MYO16: variants seen among roughly 807,000 people sequenced by gnomAD.
MYO16 encodes myosin XVI.
Under a neutral mutation model 205.3 loss-of-function variants are expected in MYO16, and 94 were observed. The ratio of observed to expected loss-of-function variants is 0.46; its 90% CI spans 0.39 to 0.54. The LOEUF is 0.54. Among genes scored for constraint, MYO16 ranks in the 20% least tolerant of loss-of-function variants. The pLI, the probability that MYO16 is intolerant of heterozygous loss-of-function variation, is 0.00. For missense variants in MYO16, 2,315 were observed against 2,387.5 expected (o/e 0.97, Z 0.63); for synonymous variants, 988 against 954.0 (o/e 1.04, Z -0.66).
At chr13:109,013,456 T>C (rs149668442) in intron 22 of MYO16, among the ~76,000 whole-genome samples, 3,125 of 152,214 alleles carry the variant, frequency 0.021, 130 homozygotes, top group African/African-American at 0.071. Context: ...ACTAGCATGG[T>C]TTATAATCCT....
intron 27 of MYO16, among the ~76,000 whole-genome samples, chr13:109,093,678 A>G (rs1019096113): frequency 3.3e-5 from 5 of 152,112 alleles, no homozygotes; most frequent in South Asian, 2.1e-4. Context: ...AGCCACGTTG[A>G]TCCATTCACC....
Position 108,666,011 on chromosome 13 carries a change from G to C in MYO16, c.154G>C (p.Ala52Pro). 6.2e-7 allele frequency: 1 copy of C among 1,614,136 alleles called. No individual in the cohort carries two copies. Among genetic ancestry groups the C allele is most frequent in the Non-Finnish European group, 8.5e-7 (1 of 1,180,022 alleles). Residue 52 changes from alanine to proline, a missense_variant, in exon 2 of 35, where the codon GCC (alanine) becomes CCC (proline). Ala to Pro is a conservative substitution (Grantham distance 27). Around this residue, in one of 3 missense-constraint regions of MYO16, gnomAD observed 1,213 missense variants for 1,274.4 expected, o/e 0.95. Coordinates refer to ENST00000457511, the MANE Select transcript of MYO16 (RefSeq NM_001198950.3). ...GCGCATGCGCTGTGAGCAAATCAAA[G>C]CCTACTATGAGCGCGAGAAGGCTTT... ...VKRMRCEQIK[A>P]YYEREKAFQK...
intron 16 of MYO16, among the ~76,000 whole-genome samples, chr13:108,912,062 G>C (rs1881291255): frequency 6.6e-6 from 1 of 152,154 alleles, no homozygotes. Flanking sequence ...AGTGTCAGCA[G>C]GGTACTGGAG....
chr13:109,206,403 G>A (rs1448824884), intron 34 of MYO16, among the ~76,000 whole-genome samples: 1 of 152,160 alleles, frequency 6.6e-6, no homozygotes, highest in Non-Finnish European at 1.5e-5. Context: ...CCAATGTTTT[G>A]TTGCAGTCAT....
chr13:108,793,306 C>A (rs80299895), intron 5 of MYO16, among the ~76,000 whole-genome samples: 2,486 of 139,740 alleles, frequency 0.018, 71 homozygotes, highest in African/African-American at 0.069. Context: ...AAAAAAAAAA[C>A]ATAACAAGAG....
intron 7 of MYO16, among the ~76,000 whole-genome samples, chr13:108,810,650 A>G (rs1274202507): frequency 1.6e-5 from 2 of 123,594 alleles, no homozygotes; most frequent in African/African-American, 5.0e-5. Flanking sequence ...ATTTATATGC[A>G]TGGAAGATTT....
chr13:108,825,297 A>G (rs905974589), intron 9 of MYO16, among the ~76,000 whole-genome samples: 4 of 152,090 alleles, frequency 2.6e-5, no homozygotes, highest in Non-Finnish European at 4.4e-5. Flanking sequence ...AAATCACATG[A>G]TTATCTCAAT....
At chr13:108,561,986 C>T in the MYO16 span, among the ~76,000 whole-genome samples, 9 of 152,276 alleles carry the variant, frequency 5.9e-5, no homozygotes, top group African/African-American at 1.7e-4. Context: ...ATTAAACCTT[C>T]GAATTTTACT....
At chr13:109,159,544 T>G (rs1343807380) in intron 32 of MYO16, among the ~76,000 whole-genome samples, 2 of 152,264 alleles carry the variant, frequency 1.3e-5, no homozygotes, top group African/African-American at 2.4e-5. Flanking sequence ...AGCCGGGCTC[T>G]ATTCTAGGCA....
intron 13 of MYO16, among the ~76,000 whole-genome samples, chr13:108,884,421 A>T (rs1229308344): frequency 6.6e-6 from 1 of 152,192 alleles, no homozygotes; most frequent in Non-Finnish European, 1.5e-5. Context: ...AAACTCTAGG[A>T]TAAGAAAGGC....
At chr13:108,535,548 A>G in the MYO16 span, among the ~76,000 whole-genome samples, 2 of 152,208 alleles carry the variant, frequency 1.3e-5, no homozygotes, top group Non-Finnish European at 2.9e-5. Flanking sequence ...TATTTGAAAA[A>G]TAACAAAATA....
intron 3 of MYO16, among the ~76,000 whole-genome samples, chr13:108,723,646 A>G (rs1389159927): frequency 6.6e-6 from 1 of 152,106 alleles, no homozygotes; most frequent in African/African-American, 2.4e-5. Flanking sequence ...GAATTGATCT[A>G]TTTCTAAATT....
chr13:109,010,347 C>A (rs918812087), intron 22 of MYO16, among the ~76,000 whole-genome samples: 2 of 152,132 alleles, frequency 1.3e-5, no homozygotes, highest in East Asian at 3.8e-4. Flanking sequence ...TTGCCCCATT[C>A]TTTTATTGCT....
intron 16 of MYO16, among the ~76,000 whole-genome samples, chr13:108,914,661 T>G (rs1881410058): frequency 6.6e-6 from 1 of 152,206 alleles, no homozygotes; most frequent in African/African-American, 2.4e-5. Context: ...ATTCCCTTTT[T>G]TTTCTTTTAT....
the MYO16 span, among the ~76,000 whole-genome samples, chr13:108,538,828 A>T: frequency 6.6e-6 from 1 of 152,106 alleles, no homozygotes; most frequent in African/African-American, 2.4e-5. Flanking sequence ...ACATAAAGTT[A>T]GTTTTTGTAC....
At chr13:108,516,257 C>G in the MYO16 span, among the ~76,000 whole-genome samples, 2 of 151,552 alleles carry the variant, frequency 1.3e-5, no homozygotes, top group Non-Finnish European at 2.9e-5. Context: ...GTCCGTCACC[C>G]CTTTCTTTGA....
chr13:108,574,650 G>A, the MYO16 span, among the ~76,000 whole-genome samples: 5 of 149,672 alleles, frequency 3.3e-5, no homozygotes, highest in South Asian at 6.4e-4. Flanking sequence ...TCCACAGCAG[G>A]GGGCCTACCA....
Position 108,877,602 on chromosome 13 carries a change from T to A in MYO16, c.1426-5457T>A, listed in dbSNP as rs192894530. Among the ~76,000 whole-genome samples the A allele has an allele frequency of 1.4e-4, 22 of 152,358 alleles. 1 individual carries two copies. The East Asian group carries it at 3.1e-3, about 21-fold the overall frequency. On this transcript the variant is annotated intron_variant, in intron 12 of 34. Transcript: ENST00000457511. ...ATTTTGTGTGTAATATAGCATCTTATAGTTTGAAATAGCACGAGAGAGCTT... is the reference window on the plus strand; with the variant it reads ...ATTTTGTGTGTAATATAGCATCTTAAAGTTTGAAATAGCACGAGAGAGCTT...
the MYO16 span, among the ~76,000 whole-genome samples, chr13:108,565,862 C>T: frequency 6.6e-6 from 1 of 151,954 alleles, no homozygotes; most frequent in East Asian, 1.9e-4. Flanking sequence ...CCTTCTATAC[C>T]CAGTTTTCTG....
Sources: gnomAD v4.1 joint callset for allele counts (sites outside exome capture counted in the v4.1 genomes callset) on GRCh38, gnomAD v4.1.1 for gene constraint, gnomAD v4.1.1 regional missense constraint, MANE v1.5 for transcripts, NCBI Gene and HGNC (gene_info 2026-07-23, HGNC 2026-07-21) for gene names.